Variants in SUCLG2 observed in about 807,000 individuals in gnomAD.
SUCLG2 encodes succinate--CoA ligase [GDP-forming] subunit beta, mitochondrial.
SUCLG2 carries 42 observed loss-of-function variants against 47.9 expected under a neutral mutation model. The ratio of observed to expected loss-of-function variants is 0.88; its 90% confidence interval spans 0.69 to 1.14. SUCLG2 has a LOEUF of 1.14. Ranked by LOEUF, SUCLG2 falls within the 50% of genes most tolerant of loss-of-function variation. The pLI is 0.00. For synonymous variants in SUCLG2, 195 were observed against 197.3 expected (o/e 0.99, Z 0.10); for missense variants, 571 against 525.9 (o/e 1.09, Z -0.84).
intron 9 of SUCLG2, among the ~76,000 whole-genome samples, chr3:67,435,033 G>A (rs530400649): frequency 2.0e-5 from 3 of 152,260 alleles, no homozygotes; most frequent in East Asian, 1.9e-4. Flanking sequence ...AAGGTCAATC[G>A]TATAATAGCT....
chr3:67,532,670 A>G (rs1706434898), intron 2 of SUCLG2, among the ~76,000 whole-genome samples: 1 of 151,906 alleles, frequency 6.6e-6, no homozygotes, highest in Non-Finnish European at 1.5e-5. Context: ...TAGAATTTAC[A>G]TATATTTTAG....
At chr3:67,619,997 A>T (rs554066638) in intron 1 of SUCLG2, among the ~76,000 whole-genome samples, 3 of 152,322 alleles carry the variant, frequency 2.0e-5, no homozygotes, top group Non-Finnish European at 1.5e-5. Context: ...AGTAGGCAAG[A>T]TTTATTTATA....
intron 1 of SUCLG2, among the ~76,000 whole-genome samples, chr3:67,640,994 T>C (rs777376708): frequency 2.0e-5 from 3 of 152,170 alleles, no homozygotes; most frequent in Non-Finnish European, 4.4e-5. Context: ...GGTTAAAAAC[T>C]AAGTGAGATT....
chr3:67,420,340 CCA>C (rs1360629523), intron 9 of SUCLG2, among the ~76,000 whole-genome samples: 1 of 152,082 alleles, frequency 6.6e-6, no homozygotes, highest in Non-Finnish European at 1.5e-5. Context: ...ATGCAGTATA[CCA>C]CACTGGTGGT....
intron 1 of SUCLG2, among the ~76,000 whole-genome samples, chr3:67,643,588 T>G (rs1701140829): frequency 6.6e-6 from 1 of 152,204 alleles, no homozygotes; most frequent in South Asian, 2.1e-4. Flanking sequence ...TGGAATGTCT[T>G]TAGTGAGGAC....
chr3:67,509,243 T>G (rs1444466671), intron 6 of SUCLG2, among the ~76,000 whole-genome samples: 1 of 152,160 alleles, frequency 6.6e-6, no homozygotes, highest in African/African-American at 2.4e-5. Flanking sequence ...CAAGCTCCAT[T>G]TAAGTAAAAG....
At chr3:67,521,637 C>T (rs924882991) in intron 4 of SUCLG2, among the ~76,000 whole-genome samples, 11 of 150,804 alleles carry the variant, frequency 7.3e-5, no homozygotes, top group Non-Finnish European at 1.0e-4. Context: ...GAGTCTCACT[C>T]TGTCACTGAG....
At chr3:67,618,418 A>G (rs1323736253) in intron 1 of SUCLG2, among the ~76,000 whole-genome samples, 1 of 152,172 alleles carries the variant, frequency 6.6e-6, no homozygotes, top group African/African-American at 2.4e-5. Flanking sequence ...ACTCTGTCTC[A>G]AAAAGAAAAA....
At chr3:67,467,298 T>A (rs1323886062) in intron 9 of SUCLG2, among the ~76,000 whole-genome samples, 1 of 152,238 alleles carries the variant, frequency 6.6e-6, no homozygotes, top group Non-Finnish European at 1.5e-5. Context: ...TATATTTTTC[T>A]CACCTGAAAT....
At chr3:67,617,601 G>A (rs1048858099) in intron 1 of SUCLG2, among the ~76,000 whole-genome samples, 1 of 152,102 alleles carries the variant, frequency 6.6e-6, no homozygotes, top group Non-Finnish European at 1.5e-5. Flanking sequence ...TTTGCACACT[G>A]TAAGAAAATG....
intron 2 of SUCLG2, among the ~76,000 whole-genome samples, chr3:67,545,071 C>A (rs1706828027): frequency 6.6e-6 from 1 of 152,164 alleles, no homozygotes; most frequent in African/African-American, 2.4e-5. Context: ...GCCAGGTAAG[C>A]TAACTCTCCT....
At chr3:67,646,612 A>G (rs1313584457) in intron 1 of SUCLG2, among the ~76,000 whole-genome samples, 2 of 152,124 alleles carry the variant, frequency 1.3e-5, no homozygotes, top group African/African-American at 4.8e-5. Context: ...ATAAATAAAA[A>G]TAAATAAATT....
At chr3:67,486,762 A>G (rs1198266808) in intron 9 of SUCLG2, among the ~76,000 whole-genome samples, 2 of 152,156 alleles carry the variant, frequency 1.3e-5, no homozygotes, top group African/African-American at 4.8e-5. Flanking sequence ...ACAAAAATGC[A>G]AAAAACATGG....
chr3:67,398,020 C>A (rs1249532290), intron 10 of SUCLG2, among the ~76,000 whole-genome samples: 1 of 150,298 alleles, frequency 6.7e-6, no homozygotes, highest in Non-Finnish European at 1.5e-5. Flanking sequence ...AAAATTAATT[C>A]AAGATGGATT....
intron 9 of SUCLG2, among the ~76,000 whole-genome samples, chr3:67,417,156 A>T (rs557859061): frequency 1.4e-3 from 220 of 152,344 alleles, no homozygotes; most frequent in African/African-American, 5.2e-3. Flanking sequence ...ACTACCATAC[A>T]CTGTACTGTT....
At chr3:67,462,247 A>T (rs1372871211) in intron 9 of SUCLG2, among the ~76,000 whole-genome samples, 1 of 152,134 alleles carries the variant, frequency 6.6e-6, no homozygotes, top group East Asian at 1.9e-4. Context: ...AGAAACTAAA[A>T]ATATACTCTA....
chr3:67,523,920 T>C (rs929325476), intron 4 of SUCLG2, among the ~76,000 whole-genome samples: 1 of 152,200 alleles, frequency 6.6e-6, no homozygotes, highest in Non-Finnish European at 1.5e-5. Flanking sequence ...TTCAAAAATG[T>C]TGACAGACGT....
At chr3:67,514,048 T>G (rs1351899766) in intron 6 of SUCLG2, 3 of 355,402 alleles carry the variant, frequency 8.4e-6, no homozygotes, top group African/African-American at 4.3e-5. Flanking sequence ...AGCCGAGCGG[T>G]TGGCCATAAG....
At chr3:67,394,154 A>T (rs6548523) in intron 10 of SUCLG2, among the ~76,000 whole-genome samples, 2 of 151,922 alleles carry the variant, frequency 1.3e-5, no homozygotes, top group African/African-American at 2.4e-5. Context: ...CACCAGCAAC[A>T]GAACAAAGCT....
Sources: allele counts gnomAD v4.1 joint callset (sites outside exome capture counted in the v4.1 genomes callset), GRCh38; gene constraint gnomAD v4.1.1; transcripts MANE v1.5; gene names NCBI Gene and HGNC (gene_info 2026-07-23, HGNC 2026-07-21).